AHCYL2: variants seen among roughly 807,000 people sequenced by gnomAD.
The protein encoded by AHCYL2 is adenosylhomocysteinase like 2, also known as S-adenosylhomocysteine hydrolase-like protein 2.
Under a neutral mutation model 81.4 loss-of-function variants are expected in AHCYL2, and 28 were observed. That is an observed-to-expected ratio of 0.34 (90% confidence interval 0.25 to 0.47). The LOEUF (loss-of-function observed/expected upper bound fraction) is 0.47, where lower values mean the gene tolerates loss of function less well. Ranked by LOEUF, AHCYL2 falls within the 20% of genes least tolerant of loss-of-function variation. The pLI is 1.00. For synonymous variants in AHCYL2, 272 were observed against 290.2 expected (o/e 0.94, Z 0.64); for missense variants, 551 against 785.1 (o/e 0.70, Z 3.56).
chr7:129,312,408 T>C (rs1797689500), intron 1 of AHCYL2, among the ~76,000 whole-genome samples: 1 of 152,104 alleles, frequency 6.6e-6, no homozygotes, highest in Non-Finnish European at 1.5e-5. Context: ...TTTTCTTTCT[T>C]TCTTTTTGTT....
intron 1 of AHCYL2, 86 bp downstream of exon 1, chr7:129,225,525 C>A: frequency 7.1e-7 from 1 of 1,405,600 alleles, no homozygotes; most frequent in South Asian, 1.5e-5. Flanking sequence ...CCACCCTCCA[C>A]GCCCTCCTTT....
intron 1 of AHCYL2, among the ~76,000 whole-genome samples, chr7:129,299,366 C>CTTGTTTTTTTTT (rs1797170487): frequency 1.2e-5 from 1 of 83,732 alleles, no homozygotes; most frequent in Non-Finnish European, 2.3e-5. Context: ...GAGAGTCCAA[C>CTTGTTTTTTTTT]TTGTTTTTTT....
At chr7:129,253,215 AAAG>A (rs1795301226) in intron 1 of AHCYL2, among the ~76,000 whole-genome samples, 1 of 152,120 alleles carries the variant, frequency 6.6e-6, no homozygotes, top group African/African-American at 2.4e-5. Flanking sequence ...TCAAAAAAAA[AAAG>A]AAGGCAAAGG....
intron 1 of AHCYL2, among the ~76,000 whole-genome samples, chr7:129,311,539 A>T (rs1584771051): frequency 6.6e-6 from 1 of 152,196 alleles, no homozygotes; most frequent in African/African-American, 2.4e-5. Context: ...AATTCCTCTG[A>T]AACTTACTTC....
chr7:129,400,387 G>A lies in AHCYL2; in HGVS notation c.918+3G>A, dbSNP rs1015697422. 1.2e-6 allele frequency: 2 copies of A among 1,612,536 alleles called. No homozygotes were observed. Among genetic ancestry groups the A allele is most frequent in the African/African-American group, 2.7e-5 (2 of 74,860 alleles). On this transcript the variant is annotated splice_donor_region_variant and intron_variant, in intron 6 of 16. Transcript: ENST00000325006. ...TGGAGGGCTGGCAGCCAAACATGGT[G>A]GGTCAGATTTCTGCTAACACAATTC...
chr7:129,290,300 A>C (rs1447289789), intron 1 of AHCYL2, among the ~76,000 whole-genome samples: 1 of 151,226 alleles, frequency 6.6e-6, no homozygotes, highest in South Asian at 2.1e-4. Flanking sequence ...TCAGGAGATG[A>C]GACCATTCTG....
At chr7:129,227,566 C>T (rs894589482) in intron 1 of AHCYL2, among the ~76,000 whole-genome samples, 2 of 125,242 alleles carry the variant, frequency 1.6e-5, no homozygotes, top group African/African-American at 3.1e-5. Context: ...GTTGAGGCTG[C>T]AATGAGCACT....
intron 1 of AHCYL2, among the ~76,000 whole-genome samples, chr7:129,277,526 T>C (rs2718086): frequency 0.72 from 108,824 of 151,974 alleles, 39,112 homozygotes; most frequent in Non-Finnish European, 0.75. Context: ...GCAATCCACC[T>C]GCCTCGGCCT....
chr7:129,354,546 C>T (rs113820285), intron 1 of AHCYL2, among the ~76,000 whole-genome samples: 2 of 152,286 alleles, frequency 1.3e-5, no homozygotes, highest in African/African-American at 2.4e-5. Context: ...ACAGTCCAGG[C>T]GTAGGCATGA....
At chr7:129,346,345 G>A (rs1563205330) in intron 1 of AHCYL2, among the ~76,000 whole-genome samples, 2 of 152,156 alleles carry the variant, frequency 1.3e-5, no homozygotes, top group African/African-American at 2.4e-5. Context: ...AAAAGAATGA[G>A]AAGACAAACC....
chr7:129,418,520 C>T (rs889275681), intron 12 of AHCYL2, among the ~76,000 whole-genome samples: 70 of 152,054 alleles, frequency 4.6e-4, no homozygotes, highest in African/African-American at 1.6e-3. Flanking sequence ...AGGCTGGTCT[C>T]GATCTCCTGA....
chr7:129,250,231 C>G (rs1488415162), intron 1 of AHCYL2, among the ~76,000 whole-genome samples: 1 of 152,194 alleles, frequency 6.6e-6, no homozygotes, highest in Non-Finnish European at 1.5e-5. Context: ...TATTATTGCA[C>G]CACTGCACTC....
intron 4 of AHCYL2, among the ~76,000 whole-genome samples, chr7:129,390,081 T>C (rs1795393996): frequency 6.6e-6 from 1 of 152,216 alleles, no homozygotes; most frequent in Non-Finnish European, 1.5e-5. Context: ...ATATATACTA[T>C]GTTTTTTCCT....
At chr7:129,337,391 T>G (rs1316283785) in intron 1 of AHCYL2, among the ~76,000 whole-genome samples, 1 of 152,056 alleles carries the variant, frequency 6.6e-6, no homozygotes, top group Non-Finnish European at 1.5e-5. Flanking sequence ...CGTAATTTAT[T>G]TATTTATTTT....
chr7:129,348,207 G>A (rs73232761), intron 1 of AHCYL2, among the ~76,000 whole-genome samples: 9,186 of 152,210 alleles, frequency 0.06, 427 homozygotes, highest in Non-Finnish European at 0.089. Flanking sequence ...CTAAATGTCC[G>A]TTGGCAGGGA....
In AHCYL2 at chr7:129,391,831, G is replaced by T. The variant is rs149231391; in HGVS notation, c.720+2097G>T. Among the ~76,000 whole-genome samples the T allele has an allele frequency of 3.7e-4, 56 of 152,206 alleles. 1 individual carries two copies. Among genetic ancestry groups the T allele is most frequent in the African/African-American group, 1.2e-3 (51 of 41,534 alleles). ...CATCTTCACTATGAAACTTTTCTGG[G>T]TTATGTGTTCTCTGAGGACAAGAGT... On this transcript the variant is annotated intron_variant, in intron 4 of 16. Transcript: ENST00000325006.
intron 1 of AHCYL2, among the ~76,000 whole-genome samples, chr7:129,331,569 G>A (rs1364370124): frequency 6.6e-6 from 1 of 152,076 alleles, no homozygotes; most frequent in Non-Finnish European, 1.5e-5. Flanking sequence ...CTGGCCGGGC[G>A]CAGTGGCTCC....
chr7:129,309,297 G>A (rs1347707151), intron 1 of AHCYL2, among the ~76,000 whole-genome samples: 1 of 151,894 alleles, frequency 6.6e-6, no homozygotes, highest in Non-Finnish European at 1.5e-5. Flanking sequence ...CCAGCACTTT[G>A]GGAGGCCAAG....
At chr7:129,271,355 T>A (rs1796006754) in intron 1 of AHCYL2, among the ~76,000 whole-genome samples, 2 of 60,220 alleles carry the variant, frequency 3.3e-5, no homozygotes, top group Admixed American at 2.3e-4. Context: ...AACGAGACTG[T>A]CTCCAAAAAA....
Sources: allele counts gnomAD v4.1 joint callset (sites outside exome capture counted in the v4.1 genomes callset), GRCh38; gene constraint gnomAD v4.1.1; transcripts MANE v1.5; gene names NCBI Gene and HGNC (gene_info 2026-07-23, HGNC 2026-07-21).